The following ADAM12 variants were observed in gnomAD, a reference collection of about 807,000 sequenced individuals.
ADAM12 encodes the protein disintegrin and metalloproteinase domain-containing protein 12.
ADAM12 carries 70 observed loss-of-function variants against 106.4 expected under a neutral mutation model. The observed-to-expected ratio is 0.66, with a 90% CI of 0.54 to 0.80. The LOEUF (loss-of-function observed/expected upper bound fraction) is 0.80, where lower values mean the gene tolerates loss of function less well. ADAM12 is among the 30% of genes least tolerant of loss of function. ADAM12 has a pLI of 0.00. For missense variants in ADAM12, 1,010 were observed against 1,171.9 expected, an observed-to-expected ratio of 0.86 and a Z score of 2.02; for synonymous variants, 420 against 433.5, an observed-to-expected ratio of 0.97 and a Z score of 0.39.
intron 2 of ADAM12, among the ~76,000 whole-genome samples, chr10:126,328,905 G>T (rs189626416): frequency 1.4e-4 from 22 of 152,256 alleles, no homozygotes; most frequent in Non-Finnish European, 2.5e-4. Context: ...CAGTAGATGT[G>T]CCAGTCCCTC....
rs992135 is a variant in ADAM12 at position 126,150,729 on chromosome 10, C to T, written c.339+4498G>A. Among the ~76,000 whole-genome samples, 529 of 152,312 alleles carry T rather than the reference C, an allele frequency of 3.5e-3. 6 individuals carry two copies. Among genetic ancestry groups the T allele is most frequent in the African/African-American group, 0.012 (513 of 41,568 alleles). ...TGTCTTCTGTCTACCAATATTCCTACCAATCTTTCTTCCATTCTGTCATCA... is the reference window on the plus strand; with the variant it reads ...TGTCTTCTGTCTACCAATATTCCTATCAATCTTTCTTCCATTCTGTCATCA... On this transcript the variant is annotated intron_variant, in intron 4 of 22. Coordinates refer to ENST00000448723, the MANE Select transcript of ADAM12 (RefSeq NM_001288973.2).
chr10:126,262,221 C>A (rs1959016164), intron 3 of ADAM12, among the ~76,000 whole-genome samples: 1 of 151,952 alleles, frequency 6.6e-6, no homozygotes, highest in Admixed American at 6.6e-5. Context: ...ATCTTCATAT[C>A]AGTACTGAAA....
rs1855054927 is a variant in ADAM12 at position 126,344,336 on chromosome 10, T to C, written c.89-13827A>G. The stretch of plus-strand genomic sequence containing the variant: ...TTGTCAAAGATCGGATGGTTGTAGA[T>C]GTGTGGTATTATTTCTGAGGGCTCT... On this transcript the variant is annotated intron_variant, in intron 1 of 22. Transcript: ENST00000448723. Among the ~76,000 whole-genome samples the C allele has an allele frequency of 3.3e-5, 5 of 152,324 alleles. No individual in the cohort carries two copies. In the South Asian group the frequency reaches 8.3e-4, roughly 25 times the overall value.
intron 1 of ADAM12, among the ~76,000 whole-genome samples, chr10:126,335,794 A>T (rs748317850): frequency 6.6e-6 from 1 of 152,194 alleles, no homozygotes; most frequent in Non-Finnish European, 1.5e-5. Flanking sequence ...GGTCAACATC[A>T]ACAGAGATAA....
At chr10:126,060,706 G>C (rs1954735588) in intron 14 of ADAM12, among the ~76,000 whole-genome samples, 1 of 152,236 alleles carries the variant, frequency 6.6e-6, no homozygotes, top group Non-Finnish European at 1.5e-5. Context: ...GGCTGAGGAA[G>C]TCACCTCCGC....
At chr10:126,157,675 T>G (rs1565101847) in intron 3 of ADAM12, among the ~76,000 whole-genome samples, 3 of 152,192 alleles carry the variant, frequency 2.0e-5, no homozygotes, top group Admixed American at 6.5e-5. Context: ...GCCTCCCAAG[T>G]GCTGCCCCTC....
At chr10:126,046,486 A>AT (rs1003391999) in intron 16 of ADAM12, among the ~76,000 whole-genome samples, 35 of 151,932 alleles carry the variant, frequency 2.3e-4, no homozygotes, top group African/African-American at 8.0e-4. Flanking sequence ...GTACTGCAGT[A>AT]TTTTTTTCTT....
intron 12 of ADAM12, among the ~76,000 whole-genome samples, chr10:126,068,718 A>G (rs1954924249): frequency 6.6e-6 from 1 of 152,216 alleles, no homozygotes; most frequent in African/African-American, 2.4e-5. Context: ...GAAGAGACAC[A>G]TTCTTCATCT....
At chr10:126,336,753 A>C (rs1854713613) in intron 1 of ADAM12, among the ~76,000 whole-genome samples, 1 of 152,242 alleles carries the variant, frequency 6.6e-6, no homozygotes, top group African/African-American at 2.4e-5. Flanking sequence ...AACCACGTCA[A>C]TACAGAATAT....
intron 3 of ADAM12, among the ~76,000 whole-genome samples, chr10:126,168,906 A>C (rs976165820): frequency 1.2e-4 from 19 of 152,110 alleles, no homozygotes; most frequent in African/African-American, 4.6e-4. Flanking sequence ...TACAAAAATT[A>C]GCCGGGTATG....
At chr10:126,133,495 C>T (rs1458405340) in intron 5 of ADAM12, among the ~76,000 whole-genome samples, 1 of 152,200 alleles carries the variant, frequency 6.6e-6, no homozygotes, top group African/African-American at 2.4e-5. Context: ...GCCTGCCCCA[C>T]CACCTCTTAC....
At position 126,049,939 on chromosome 10, in the gene ADAM12, G is replaced by A. The variant is rs1954434285; in HGVS notation, c.1610-270C>T. Among the ~76,000 whole-genome samples, 1 of 150,258 alleles carries A rather than the reference G, an allele frequency of 6.7e-6. No homozygotes were observed. The highest frequency in any genetic ancestry group is 2.1e-4 in the South Asian group (1 of 4,696). On this transcript the variant is annotated intron_variant, in intron 14 of 22. Transcript: ENST00000448723. The surrounding 1 kb of genome is among the most constrained non-coding windows in gnomAD (Gnocchi z 4.4). ...GCTTGTGGCATGTGTGGCCTCTCAG[G>A]AAATGAGGCCTGGCTGTGGAATGAG...
intron 3 of ADAM12, among the ~76,000 whole-genome samples, chr10:126,267,233 AC>A (rs749012226): frequency 3.3e-5 from 5 of 152,100 alleles, no homozygotes; most frequent in Non-Finnish European, 2.9e-5. Context: ...CAGAAGAGTC[AC>A]CTCAATCAGT....
intron 2 of ADAM12, among the ~76,000 whole-genome samples, chr10:126,307,571 T>A (rs181289611): frequency 2.4e-3 from 373 of 152,252 alleles, no homozygotes; most frequent in Non-Finnish European, 4.2e-3. Flanking sequence ...AGTCTCACTC[T>A]GTTCTGTTGC....
In ADAM12 at chr10:126,175,251, C is replaced by T. The variant is rs533304443; in HGVS notation, c.261-19946G>A. Among the ~76,000 whole-genome samples the T allele has an allele frequency of 8.5e-5, 13 of 152,248 alleles. No homozygotes were observed. In the East Asian group the frequency reaches 2.1e-3, roughly 25 times the overall value. On this transcript the variant is annotated intron_variant, in intron 3 of 22. Coordinates refer to ENST00000448723, the MANE Select transcript of ADAM12 (RefSeq NM_001288973.2). ...CGCTGCCGAGAGAAACACACAGCAC[C>T]GGAAGACCAGTGTGCGTGGAGGCCA...
At chr10:126,360,970 A>G (rs11499121) in intron 1 of ADAM12, among the ~76,000 whole-genome samples, 6,174 of 152,306 alleles carry the variant, frequency 0.041, 428 homozygotes, top group African/African-American at 0.14. Flanking sequence ...GTCATGTCTT[A>G]CACAGATGGC....
In ADAM12 at chr10:126,016,934, A is replaced by G. The variant is rs900848301; in HGVS notation, c.*345T>C. The G allele has an allele frequency of 5.4e-6, 1 of 186,870 alleles. No individual in the cohort carries two copies. The highest frequency in any genetic ancestry group is 2.3e-5 in the African/African-American group (1 of 42,648). The allele number at this position is 186,870 out of a possible 1,614,324, so 11.6% of individuals were successfully genotyped here. A position where few individuals can be genotyped will look rare whatever the true frequency, so the allele number is the denominator to read the frequency against. On this transcript the variant is annotated 3_prime_UTR_variant, in exon 23 of 23. Coordinates refer to ENST00000448723, the MANE Select transcript of ADAM12 (RefSeq NM_001288973.2). Reference sequence around the variant, plus strand: ...ATAAGGCCTTGATCAGAAAGCAAACACATCCTGTCCAGAATCCCATCAAGC... The same window carrying G: ...ATAAGGCCTTGATCAGAAAGCAAACGCATCCTGTCCAGAATCCCATCAAGC...
intron 1 of ADAM12, among the ~76,000 whole-genome samples, chr10:126,347,197 A>T (rs1564747489): frequency 6.6e-6 from 1 of 151,942 alleles, no homozygotes; most frequent in Non-Finnish European, 1.5e-5. Context: ...TTCCTTCAGG[A>T]GCTCTTTTAG....
At chr10:126,135,480 G>GC in intron 5 of ADAM12, 104 bp downstream of exon 5, 10 of 1,095,932 alleles carry the variant, frequency 9.1e-6, no homozygotes, top group Non-Finnish European at 1.4e-5. Context: ...TGAGCTGGGA[G>GC]CCCCCATCAC....
Sources: allele counts gnomAD v4.1 joint callset (sites outside exome capture counted in the v4.1 genomes callset), GRCh38; gene constraint gnomAD v4.1.1; non-coding constraint Gnocchi (gnomAD v3.1); transcripts MANE v1.5; gene names NCBI Gene and HGNC (gene_info 2026-07-23, HGNC 2026-07-21).